SPAG16: variants seen among roughly 807,000 people sequenced by gnomAD.
The protein encoded by SPAG16 is sperm-associated antigen 16 protein.
In SPAG16, 86 loss-of-function variants were observed where a neutral mutation model predicts 80.4. The ratio of observed to expected loss-of-function variants is 1.07; its 90% CI spans 0.90 to 1.28. SPAG16 has a LOEUF of 1.28. SPAG16 is among the 50% of genes most tolerant of loss of function. The probability of loss-of-function intolerance (pLI) is 0.00; values close to 1 mark genes in which losing one functional copy is unlikely to be tolerated. For synonymous variants in SPAG16, 294 were observed against 265.9 expected (o/e 1.11, Z -1.03); for missense variants, 870 against 765.3 (o/e 1.14, Z -1.61).
intron 10 of SPAG16, among the ~76,000 whole-genome samples, chr2:213,631,560 A>T (rs556020212): frequency 6.6e-6 from 1 of 152,168 alleles, no homozygotes; most frequent in African/African-American, 2.4e-5. Context: ...TGTTCTCATG[A>T]TGGAGTTCTC....
At chr2:213,309,752 A>G (rs1358307757) in intron 3 of SPAG16, among the ~76,000 whole-genome samples, 1 of 152,066 alleles carries the variant, frequency 6.6e-6, no homozygotes. Flanking sequence ...ACTTGGTTCT[A>G]TCTTTAGTCC....
At chr2:213,559,800 C>A (rs964202761) in intron 10 of SPAG16, among the ~76,000 whole-genome samples, 6 of 152,040 alleles carry the variant, frequency 3.9e-5, no homozygotes, top group African/African-American at 9.6e-5. Context: ...TTTCATAGAA[C>A]AAAAATTGCC....
chr2:213,935,922 A>G (rs550323884), intron 12 of SPAG16, among the ~76,000 whole-genome samples: 7 of 152,194 alleles, frequency 4.6e-5, no homozygotes, highest in Non-Finnish European at 1.0e-4. Flanking sequence ...TTCAGGAGGC[A>G]GAAAATAAGC....
At chr2:213,873,986 G>A (rs111647751) in intron 11 of SPAG16, among the ~76,000 whole-genome samples, 17 of 152,022 alleles carry the variant, frequency 1.1e-4, no homozygotes, top group Admixed American at 9.8e-4. Context: ...TATAGTTACT[G>A]TACTGAATAC....
At chr2:213,412,790 G>C (rs1380778818) in intron 9 of SPAG16, among the ~76,000 whole-genome samples, 1 of 152,112 alleles carries the variant, frequency 6.6e-6, no homozygotes, top group South Asian at 2.1e-4. Flanking sequence ...AGAAGAGTAA[G>C]AGGAGAATAT....
At position 213,491,077 on chromosome 2, in the gene SPAG16, C is replaced by T. The variant is rs1001669659; in HGVS notation, c.1070+987C>T. On this transcript the variant is annotated intron_variant, in intron 10 of 15. Coordinates refer to ENST00000331683, the MANE Select transcript of SPAG16 (RefSeq NM_024532.5). ...CAAGAATATTGTCTATGGTATATGTCGTGAGAACATAGCACATATGAATAC... is the reference window on the plus strand; with the variant it reads ...CAAGAATATTGTCTATGGTATATGTTGTGAGAACATAGCACATATGAATAC... Among the ~76,000 whole-genome samples, 5 of 151,982 alleles carry T rather than the reference C, an allele frequency of 3.3e-5. No homozygotes were observed. The South Asian group carries it at 6.2e-4, about 19-fold the overall frequency.
intron 10 of SPAG16, among the ~76,000 whole-genome samples, chr2:213,756,718 T>G (rs534075587): frequency 6.6e-6 from 1 of 152,138 alleles, no homozygotes; most frequent in African/African-American, 2.4e-5. Context: ...TTTAACGGCC[T>G]AGGATATGTG....
intron 15 of SPAG16, among the ~76,000 whole-genome samples, chr2:214,302,446 T>C (rs1294981311): frequency 1.3e-5 from 2 of 152,118 alleles, no homozygotes; most frequent in Admixed American, 1.3e-4. Flanking sequence ...TGTCTTTTTG[T>C]AGGGCTAGTG....
intron 13 of SPAG16, among the ~76,000 whole-genome samples, chr2:214,059,228 A>ATATG (rs2050123783): frequency 8.5e-6 from 1 of 117,720 alleles, no homozygotes; most frequent in Non-Finnish European, 1.8e-5. Flanking sequence ...ATGTGTATAT[A>ATATG]TATATATATA....
At chr2:213,782,542 G>A (rs2556336) in intron 10 of SPAG16, among the ~76,000 whole-genome samples, 8,731 of 152,204 alleles carry the variant, frequency 0.057, 837 homozygotes, top group African/African-American at 0.2. Context: ...TTACATAGCT[G>A]TTATTCAATA....
chr2:213,769,915 C>T (rs1288552768), intron 10 of SPAG16, among the ~76,000 whole-genome samples: 4 of 152,170 alleles, frequency 2.6e-5, no homozygotes, highest in Non-Finnish European at 5.9e-5. Flanking sequence ...TAAGCCACTG[C>T]ACCCTGAAGC....
At chr2:214,133,126 T>TA (rs2054868643) in intron 14 of SPAG16, among the ~76,000 whole-genome samples, 1 of 20,640 alleles carries the variant, frequency 4.8e-5, no homozygotes, top group Non-Finnish European at 1.9e-4. Context: ...AAATAAATAA[T>TA]AATAAAAAAA....
At chr2:214,044,708 G>T (rs2049217912) in intron 13 of SPAG16, among the ~76,000 whole-genome samples, 1 of 152,182 alleles carries the variant, frequency 6.6e-6, no homozygotes, top group African/African-American at 2.4e-5. Flanking sequence ...GGGATGGAGA[G>T]AAAATTTTTG....
chr2:213,792,768 G>A (rs2070785079), intron 10 of SPAG16, among the ~76,000 whole-genome samples: 1 of 150,250 alleles, frequency 6.7e-6, no homozygotes, highest in South Asian at 2.1e-4. Flanking sequence ...AATCTTCTGG[G>A]CAGTCCTCAG....
intron 15 of SPAG16, among the ~76,000 whole-genome samples, chr2:214,377,946 T>G (rs931555248): frequency 1.3e-5 from 2 of 152,192 alleles, no homozygotes; most frequent in Non-Finnish European, 2.9e-5. Flanking sequence ...CTTGAAAGAT[T>G]ACTGTGGATT....
At chr2:213,913,482 GTGTGTGTC>G (rs146134439) in intron 11 of SPAG16, among the ~76,000 whole-genome samples, 17,645 of 151,084 alleles carry the variant, frequency 0.12, 1,410 homozygotes, top group Non-Finnish European at 0.18. Context: ...GAATATGTGT[GTGTGTGTC>G]TGTGTGTCTG....
intron 10 of SPAG16, among the ~76,000 whole-genome samples, chr2:213,833,456 AT>A (rs1559505555): frequency 1.5e-4 from 1 of 6,818 alleles, no homozygotes; most frequent in Non-Finnish European, 2.9e-4. Context: ...TATATATATT[AT>A]ATATATATTA....
chr2:213,343,208 A>T (rs1575277205), intron 6 of SPAG16, among the ~76,000 whole-genome samples: 1 of 152,098 alleles, frequency 6.6e-6, no homozygotes, highest in Non-Finnish European at 1.5e-5. Flanking sequence ...AGGAGTTCTG[A>T]CCAGCCATAA....
At chr2:213,677,393 C>T (rs772309758) in intron 10 of SPAG16, among the ~76,000 whole-genome samples, 1 of 152,044 alleles carries the variant, frequency 6.6e-6, no homozygotes, top group African/African-American at 2.4e-5. Context: ...CAGAGACACA[C>T]ATAGGCTCAA....
Sources: gnomAD v4.1 joint callset for allele counts (sites outside exome capture counted in the v4.1 genomes callset) on GRCh38, gnomAD v4.1.1 for gene constraint, MANE v1.5 for transcripts, NCBI Gene and HGNC (gene_info 2026-07-23, HGNC 2026-07-21) for gene names.